ARMH4: variants seen among roughly 807,000 people sequenced by gnomAD.
The protein encoded by ARMH4 is armadillo-like helical domain-containing protein 4.
In ARMH4, 49 loss-of-function variants were observed where a neutral mutation model predicts 61.9. That is an observed-to-expected ratio of 0.79 (90% confidence interval 0.63 to 1.00). The LOEUF (loss-of-function observed/expected upper bound fraction) is 1.00, where lower values mean the gene tolerates loss of function less well. ARMH4 is among the 50% of genes least tolerant of loss of function. The pLI is 0.00. For missense variants in ARMH4, 934 were observed against 930.0 expected (o/e 1.00, Z -0.06); for synonymous variants, 368 against 341.5 (o/e 1.08, Z -0.85).
intron 5 of ARMH4, among the ~76,000 whole-genome samples, chr14:58,043,941 A>C (rs981979960): frequency 4.6e-5 from 7 of 152,276 alleles, no homozygotes; most frequent in African/African-American, 1.4e-4. Flanking sequence ...AGAACTACAA[A>C]CCACTGCTCA....
intron 1 of ARMH4, among the ~76,000 whole-genome samples, chr14:58,151,839 A>C (rs1887936220): frequency 6.6e-6 from 1 of 152,210 alleles, no homozygotes; most frequent in South Asian, 2.1e-4. Context: ...GAGTCCTCCG[A>C]GGCCTGCGCG....
chr14:58,140,246 G>C (rs1887486556), intron 1 of ARMH4, among the ~76,000 whole-genome samples: 1 of 139,086 alleles, frequency 7.2e-6, no homozygotes, highest in African/African-American at 2.8e-5. Flanking sequence ...TTGCACTACA[G>C]CCTAGGCAAC....
In ARMH4 at chr14:58,059,404, C is replaced by T. The variant is rs78206595; in HGVS notation, c.2089+37320G>A. ...CAGACAGTGATATCACTGTAGAAAG[C>T]GGGGCAAGATTTCAGAAGAGCCCGG... On this transcript the variant is annotated intron_variant, in intron 5 of 7. Coordinates refer to ENST00000267485, the MANE Select transcript of ARMH4 (RefSeq NM_001001872.4). Among the ~76,000 whole-genome samples the T allele has an allele frequency of 9.2e-3, 1,402 of 152,276 alleles. 14 individuals are homozygous for T. The highest frequency in any genetic ancestry group is 0.034 in the Admixed American group (520 of 15,304).
chr14:58,020,967 G>T (rs1882804649), intron 5 of ARMH4, among the ~76,000 whole-genome samples: 1 of 152,166 alleles, frequency 6.6e-6, no homozygotes, highest in Admixed American at 6.5e-5. Context: ...TAGTCCAAAA[G>T]CCTGCAGGCT....
Position 58,141,218 on chromosome 14 carries a change from C to A in ARMH4, c.-56-1804G>T, listed in dbSNP as rs1030502573. On this transcript the variant is annotated intron_variant, in intron 1 of 7. Coordinates refer to ENST00000267485, the MANE Select transcript of ARMH4 (RefSeq NM_001001872.4). ...TTTTTTAAAGTAAGTAAATAATTTT[C>A]AATGAAAATATGTCTTTTAGCTCTT... 2.3e-5 allele frequency: 6 copies of A among 256,758 alleles called. No homozygotes were observed. In the South Asian group the frequency reaches 2.4e-4, roughly 10 times the overall value. 15.9% of individuals were successfully genotyped at this position (256,758 alleles called of 1,614,324 possible). A position where few individuals can be genotyped will look rare whatever the true frequency, so the allele number is the denominator to read the frequency against.
At chr14:58,087,833 A>G (rs911630789) in intron 5 of ARMH4, among the ~76,000 whole-genome samples, 2 of 152,222 alleles carry the variant, frequency 1.3e-5, no homozygotes, top group South Asian at 2.1e-4. Context: ...GAAAACAAGA[A>G]TTTGACTGTA....
intron 1 of ARMH4, among the ~76,000 whole-genome samples, chr14:58,151,029 C>T (rs1045440367): frequency 2.6e-5 from 4 of 152,150 alleles, no homozygotes; most frequent in African/African-American, 9.7e-5. Flanking sequence ...AATTTTTGCC[C>T]TTTGGAGAAG....
At chr14:58,092,230 C>T (rs923450609) in intron 5 of ARMH4, among the ~76,000 whole-genome samples, 8 of 152,106 alleles carry the variant, frequency 5.3e-5, no homozygotes, top group African/African-American at 1.7e-4. Flanking sequence ...AATAAAACAA[C>T]CCCATTTAAA....
At chr14:58,150,055 G>A (rs1190313174) in intron 1 of ARMH4, among the ~76,000 whole-genome samples, 2 of 152,176 alleles carry the variant, frequency 1.3e-5, no homozygotes, top group Non-Finnish European at 2.9e-5. Context: ...ATCCTATCCT[G>A]ATGAATCTTG....
At chr14:58,117,834 C>T (rs924017475) in intron 4 of ARMH4, among the ~76,000 whole-genome samples, 1 of 152,008 alleles carries the variant, frequency 6.6e-6, no homozygotes, top group Non-Finnish European at 1.5e-5. Flanking sequence ...TCACAGTTCA[C>T]TTCAGCCTCG....
In ARMH4 at chr14:58,137,973, CT is replaced by C; in HGVS notation, c.1369+16del. ...CCAAATTAAACCAAAGTTTGTTTTT[CT>C]TTTTCTTTCTTTTACCTTTCATTGT... On this transcript the variant is annotated intron_variant, in intron 2 of 7. Transcript: ENST00000267485. 6.4e-7 allele frequency: 1 copy of C among 1,561,538 alleles called. No individual in the cohort carries two copies. Among genetic ancestry groups the C allele is most frequent in the Non-Finnish European group, 8.7e-7 (1 of 1,154,686 alleles).
intron 2 of ARMH4, among the ~76,000 whole-genome samples, chr14:58,133,813 GAGTTTCTATGTT>G (rs1436111202): frequency 6.6e-6 from 1 of 152,170 alleles, no homozygotes; most frequent in Non-Finnish European, 1.5e-5. Context: ...AATATTTACT[GAGTTTCTATGTT>G]AAACACCATG....
intron 5 of ARMH4, among the ~76,000 whole-genome samples, chr14:58,066,817 C>T (rs1884720976): frequency 6.6e-6 from 1 of 152,182 alleles, no homozygotes; most frequent in Non-Finnish European, 1.5e-5. Flanking sequence ...TATACACTAA[C>T]CGCAAGACTT....
intron 5 of ARMH4, among the ~76,000 whole-genome samples, chr14:58,060,624 C>G (rs966019408): frequency 6.6e-6 from 1 of 152,074 alleles, no homozygotes; most frequent in African/African-American, 2.4e-5. Context: ...CAAACTGTGC[C>G]CATCGAATCT....
intron 6 of ARMH4, among the ~76,000 whole-genome samples, chr14:58,010,077 G>A (rs1882346706): frequency 1.3e-5 from 2 of 152,140 alleles, no homozygotes; most frequent in South Asian, 2.1e-4. Flanking sequence ...TGCCTGAAGA[G>A]CCAGGTTGGG....
At chr14:58,051,094 G>A (rs1030182921) in intron 5 of ARMH4, among the ~76,000 whole-genome samples, 1 of 151,014 alleles carries the variant, frequency 6.6e-6, no homozygotes, top group South Asian at 2.1e-4. Context: ...ACCCATACGA[G>A]ATTCAAGGAT....
intron 4 of ARMH4, among the ~76,000 whole-genome samples, chr14:58,100,174 CTCGG>C (rs1885913573): frequency 6.6e-6 from 1 of 151,890 alleles, no homozygotes; most frequent in African/African-American, 2.4e-5. Context: ...TTCTTTTATT[CTCGG>C]TCAAATAAAA....
At chr14:58,040,120 G>A (rs1325920291) in intron 5 of ARMH4, among the ~76,000 whole-genome samples, 1 of 152,136 alleles carries the variant, frequency 6.6e-6, no homozygotes, top group Non-Finnish European at 1.5e-5. Flanking sequence ...CAGAGCCAGT[G>A]GAGCTGATGA....
intron 5 of ARMH4, among the ~76,000 whole-genome samples, chr14:58,071,032 T>C (rs1884867444): frequency 6.6e-6 from 1 of 151,888 alleles, no homozygotes; most frequent in East Asian, 1.9e-4. Context: ...CTAAGAAAAA[T>C]GGTTATAGTC....
Sources: gnomAD v4.1 joint callset for allele counts (sites outside exome capture counted in the v4.1 genomes callset) on GRCh38, gnomAD v4.1.1 for gene constraint, MANE v1.5 for transcripts, NCBI Gene and HGNC (gene_info 2026-07-23, HGNC 2026-07-21) for gene names.